The following CD96 variants were observed in gnomAD, a reference collection of about 807,000 sequenced individuals.
CD96 encodes the protein T-cell surface protein tactile.
CD96 carries 70 observed loss-of-function variants against 71.3 expected under a neutral mutation model. The ratio of observed to expected loss-of-function variants is 0.98; its 90% CI spans 0.81 to 1.20. The LOEUF is 1.20. Among genes scored for constraint, CD96 ranks in the 50% most tolerant of loss-of-function variants. The pLI is 0.00. For synonymous variants in CD96, 248 were observed against 233.0 expected, an observed-to-expected ratio of 1.06 and a Z score of -0.59; for missense variants, 742 against 677.5, an observed-to-expected ratio of 1.10 and a Z score of -1.06.
At chr3:111,634,583 C>G (rs990185089) in intron 10 of CD96, 1 of 152,120 alleles carries the variant, frequency 6.6e-6, no homozygotes, top group Non-Finnish European at 1.5e-5. Context: ...TTGAAGTACA[C>G]AGAACATTTC....
At chr3:111,645,171 C>T (rs1939770886) in intron 12 of CD96, among the ~76,000 whole-genome samples, 1 of 152,010 alleles carries the variant, frequency 6.6e-6, no homozygotes, top group Admixed American at 6.6e-5. Flanking sequence ...TATATATGCA[C>T]TATGGAATAC....
intron 14 of CD96, among the ~76,000 whole-genome samples, chr3:111,659,790 A>T (rs1306102511): frequency 1.3e-5 from 2 of 152,238 alleles, no homozygotes; most frequent in Admixed American, 1.3e-4. Context: ...TGATCATCTC[A>T]ATAGATACAG....
chr3:111,600,668 A>G, intron 6 of CD96, 58 bp from the exon 7 acceptor site: 1 of 1,282,356 alleles, frequency 7.8e-7, no homozygotes, highest in Non-Finnish European at 1.1e-6. Context: ...CCTTGGCATT[A>G]TTGTATGGCT....
At chr3:111,573,725 A>T (rs1455774832) in intron 3 of CD96, among the ~76,000 whole-genome samples, 1 of 152,214 alleles carries the variant, frequency 6.6e-6, no homozygotes, top group African/African-American at 2.4e-5. Context: ...ATCTATCTTA[A>T]AATTTTTATC....
intron 10 of CD96, among the ~76,000 whole-genome samples, chr3:111,626,340 T>C (rs1407875100): frequency 2.7e-5 from 4 of 145,774 alleles, no homozygotes; most frequent in Non-Finnish European, 6.0e-5. Context: ...AAATGCTCAG[T>C]GTCTCTGGTA....
intron 1 of CD96, among the ~76,000 whole-genome samples, chr3:111,543,920 T>C (rs1934244730): frequency 6.6e-6 from 1 of 152,246 alleles, no homozygotes; most frequent in African/African-American, 2.4e-5. Flanking sequence ...TCAAACGACA[T>C]ATAAGCAAGC....
intron 13 of CD96, 47 bp downstream of exon 13, chr3:111,647,713 T>C (rs1939900254): frequency 2.9e-6 from 4 of 1,389,804 alleles, no homozygotes; most frequent in South Asian, 1.2e-5. Context: ...TTTTTCATTA[T>C]AAAATATTCA....
At chr3:111,590,643 G>C (rs1406422592) in intron 5 of CD96, among the ~76,000 whole-genome samples, 1 of 152,154 alleles carries the variant, frequency 6.6e-6, no homozygotes, top group Non-Finnish European at 1.5e-5. Flanking sequence ...GATTTTGCCA[G>C]GGCTCCAACT....
At chr3:111,612,844 T>C in intron 8 of CD96, 1 of 977,750 alleles carries the variant, frequency 1.0e-6, no homozygotes, top group Non-Finnish European at 1.2e-6. Flanking sequence ...TCCTGAGACA[T>C]GCAGCATCTG....
At chr3:111,602,734 G>A (rs1031621981) in intron 7 of CD96, among the ~76,000 whole-genome samples, 5 of 152,168 alleles carry the variant, frequency 3.3e-5, no homozygotes. Flanking sequence ...CTGATGTGTG[G>A]TGCAAGAGTC....
intron 2 of CD96, among the ~76,000 whole-genome samples, chr3:111,564,345 ATTGCT>A (rs887138812): frequency 6.6e-6 from 1 of 151,426 alleles, no homozygotes; most frequent in African/African-American, 2.4e-5. Context: ...ATAATTACAT[ATTGCT>A]TTATTTATTT....
At chr3:111,546,457 G>T (rs1472729912) in intron 2 of CD96, among the ~76,000 whole-genome samples, 4 of 152,190 alleles carry the variant, frequency 2.6e-5, no homozygotes, top group African/African-American at 9.7e-5. Context: ...TTAAGTTCTA[G>T]CTCCTTTCTG....
chr3:111,659,858 G>A (rs1940314150), intron 14 of CD96, among the ~76,000 whole-genome samples: 1 of 151,990 alleles, frequency 6.6e-6, no homozygotes, highest in South Asian at 2.1e-4. Context: ...AACAGATTAG[G>A]CATCAAAGGA....
At chr3:111,600,944 G>C (rs868271325) in intron 7 of CD96, 30 bp downstream of exon 7, 2 of 1,403,278 alleles carry the variant, frequency 1.4e-6, no homozygotes, top group Middle Eastern at 1.8e-4. Context: ...AGATCAACAA[G>C]AGTTTGCTAA....
At chr3:111,628,210 A>G (rs1374221799) in intron 10 of CD96, among the ~76,000 whole-genome samples, 2 of 152,220 alleles carry the variant, frequency 1.3e-5, no homozygotes, top group Non-Finnish European at 2.9e-5. Flanking sequence ...CCTTCAGAAT[A>G]TGGATAAAAA....
At chr3:111,604,896 CTG>C (rs1484784137) in intron 7 of CD96, among the ~76,000 whole-genome samples, 1 of 152,158 alleles carries the variant, frequency 6.6e-6, no homozygotes, top group Non-Finnish European at 1.5e-5. Flanking sequence ...AAGGGAAAAA[CTG>C]TGTTCCAATA....
At chr3:111,558,972 T>C (rs986274902) in intron 2 of CD96, among the ~76,000 whole-genome samples, 10 of 152,250 alleles carry the variant, frequency 6.6e-5, no homozygotes, top group African/African-American at 1.9e-4. Context: ...CCATTTCTTC[T>C]AGATTTTCCA....
chr3:111,655,640 C>A (rs1159086883), downstream of CD96, among the ~76,000 whole-genome samples: 1 of 152,016 alleles, frequency 6.6e-6, no homozygotes, highest in Non-Finnish European at 1.5e-5. Context: ...ATGTAAGAAG[C>A]ATCTGATGAT....
At chr3:111,656,158 G>T (rs1392758198), downstream of CD96, among the ~76,000 whole-genome samples, 1 of 152,006 alleles carries the variant, frequency 6.6e-6, no homozygotes, top group Non-Finnish European at 1.5e-5. Context: ...TACAAATATT[G>T]AGGATAAAAA....
Sources: allele counts gnomAD v4.1 joint callset (sites outside exome capture counted in the v4.1 genomes callset), GRCh38; gene constraint gnomAD v4.1.1; transcripts MANE v1.5; gene names NCBI Gene and HGNC (gene_info 2026-07-23, HGNC 2026-07-21).